FRMD4B: variants seen among roughly 807,000 people sequenced by gnomAD.
The protein encoded by FRMD4B is FERM domain-containing protein 4B.
In FRMD4B, 74 loss-of-function variants were observed where a neutral mutation model predicts 141.5. That is an observed-to-expected ratio of 0.52 (90% CI 0.43 to 0.63). FRMD4B has a LOEUF of 0.63. FRMD4B is among the 30% of genes least tolerant of loss of function. The pLI is 0.00. For missense variants in FRMD4B, 1,366 were observed against 1,253.4 expected, an observed-to-expected ratio of 1.09 and a Z score of -1.36; for synonymous variants, 506 against 467.9, an observed-to-expected ratio of 1.08 and a Z score of -1.05.
At chr3:69,391,042 G>A (rs956947537), upstream of FRMD4B, among the ~76,000 whole-genome samples, 19 of 152,020 alleles carry the variant, frequency 1.2e-4, no homozygotes, top group African/African-American at 4.3e-4. Flanking sequence ...TTTTTTGTTT[G>A]TTAGTTTTTT....
At chr3:69,523,163 G>C (rs1700878758) in intron 1 of FRMD4B, among the ~76,000 whole-genome samples, 1 of 151,446 alleles carries the variant, frequency 6.6e-6, no homozygotes, top group South Asian at 2.1e-4. Context: ...CACCAAAATG[G>C]CAATGGATAG....
At chr3:69,454,929 C>T (rs577334181) in intron 1 of FRMD4B, among the ~76,000 whole-genome samples, 13 of 152,282 alleles carry the variant, frequency 8.5e-5, no homozygotes, top group South Asian at 2.1e-4. Context: ...CATGTCTAGC[C>T]GGAGGATTGT....
At chr3:69,390,450 C>T (rs1704356675), upstream of FRMD4B, among the ~76,000 whole-genome samples, 4 of 152,136 alleles carry the variant, frequency 2.6e-5, no homozygotes, top group African/African-American at 7.2e-5. Context: ...TTTTGGTTGT[C>T]GCAACTGGGA....
At position 69,368,364 on chromosome 3, in the gene FRMD4B, A is replaced by G. The variant is rs1372856182; in HGVS notation, c.162+17464T>C. Among the ~76,000 whole-genome samples the G allele has an allele frequency of 2.6e-5, 4 of 152,340 alleles. No individual in the cohort carries two copies. The East Asian group carries it at 7.7e-4, about 29-fold the overall frequency. On this transcript the variant is annotated intron_variant, in intron 1 of 22. Coordinates refer to ENST00000398540, the MANE Select transcript of FRMD4B (RefSeq NM_015123.3). ...ACAAAGGAAACAGATAAAGCTGTTCATCCCATTACAACATCTATTAGAACA... is the reference window on the plus strand; with the variant it reads ...ACAAAGGAAACAGATAAAGCTGTTCGTCCCATTACAACATCTATTAGAACA...
rs1706273010 is a variant in FRMD4B at position 69,489,730 on chromosome 3, G to T, written c.-129+52476C>A. 2.0e-5 allele frequency among the ~76,000 whole-genome samples: 3 copies of T among 152,220 alleles called. No homozygotes were observed. The South Asian group carries it at 6.2e-4, about 32-fold the overall frequency. ...CATATAGCCCAGAATTCTATTCCTAGGTATCCACTGGAGAGAAATAAAAAT... is the reference window on the plus strand; with the variant it reads ...CATATAGCCCAGAATTCTATTCCTATGTATCCACTGGAGAGAAATAAAAAT... On this transcript the variant is annotated intron_variant, in intron 1 of 5. Transcript: ENST00000459638.
intron 1 of FRMD4B, chr3:69,323,133 T>G: frequency 4.7e-6 from 1 of 212,512 alleles, no homozygotes; most frequent in Non-Finnish European, 8.1e-6. Flanking sequence ...AGGGGAGGAA[T>G]GACAAAGAAG....
chr3:69,362,163 T>C lies in FRMD4B; in HGVS notation c.162+23665A>G, dbSNP rs199823593. Among the ~76,000 whole-genome samples the C allele has an allele frequency of 2.0e-5, 3 of 152,250 alleles. No homozygotes were observed. The East Asian group carries it at 5.8e-4, about 29-fold the overall frequency. ...CTTATATAGTACTTCATATGTGCCA[T>C]ACTCTGTTCCTGTTTATTATAAATA... On this transcript the variant is annotated intron_variant, in intron 1 of 22. Coordinates refer to ENST00000398540, the MANE Select transcript of FRMD4B (RefSeq NM_015123.3).
At chr3:69,289,836 C>T (rs577322498) in intron 4 of FRMD4B, among the ~76,000 whole-genome samples, 12 of 152,126 alleles carry the variant, frequency 7.9e-5, no homozygotes, top group Non-Finnish European at 1.3e-4. Flanking sequence ...CAAAAAACAA[C>T]GTATAGCCAA....
chr3:69,336,189 G>A (rs948947054), intron 1 of FRMD4B, among the ~76,000 whole-genome samples: 2 of 152,204 alleles, frequency 1.3e-5, no homozygotes, highest in Admixed American at 1.3e-4. Context: ...CACCAAGAGG[G>A]AGAGAACAAG....
chr3:69,284,034 C>A (rs1173366046), intron 5 of FRMD4B, among the ~76,000 whole-genome samples: 1 of 151,768 alleles, frequency 6.6e-6, no homozygotes, highest in Non-Finnish European at 1.5e-5. Context: ...CACTGAATAT[C>A]CAGCAACGAA....
chr3:69,362,753 TA>T (rs1241831619), intron 1 of FRMD4B, among the ~76,000 whole-genome samples: 1 of 151,616 alleles, frequency 6.6e-6, no homozygotes, highest in African/African-American at 2.4e-5. Flanking sequence ...CATGTTAATT[TA>T]AAAATCCCAT....
At chr3:69,330,911 C>T (rs958274622) in intron 1 of FRMD4B, among the ~76,000 whole-genome samples, 3 of 152,168 alleles carry the variant, frequency 2.0e-5, no homozygotes, top group Non-Finnish European at 2.9e-5. Context: ...GAAGATGTTT[C>T]CAACTTTTTC....
chr3:69,245,343 GTGTGTGTGTGTT>G (rs1298687861), intron 7 of FRMD4B, among the ~76,000 whole-genome samples: 1 of 149,356 alleles, frequency 6.7e-6, no homozygotes, highest in African/African-American at 2.6e-5. Context: ...GTGTGTGTGT[GTGTGTGTGTGTT>G]TTTAGACAGA....
intron 1 of FRMD4B, among the ~76,000 whole-genome samples, chr3:69,470,223 T>C (rs937439758): frequency 6.6e-6 from 1 of 152,242 alleles, no homozygotes; most frequent in African/African-American, 2.4e-5. Flanking sequence ...ATGGAAATCA[T>C]ATTTACATTA....
At chr3:69,237,052 T>C (rs1371181121) in intron 7 of FRMD4B, among the ~76,000 whole-genome samples, 10 of 152,182 alleles carry the variant, frequency 6.6e-5, no homozygotes, top group East Asian at 3.8e-4. Flanking sequence ...AACCCCTAAA[T>C]GCACAGATGA....
At chr3:69,297,897 A>G (rs1007789532) in intron 4 of FRMD4B, among the ~76,000 whole-genome samples, 1 of 140,972 alleles carries the variant, frequency 7.1e-6, no homozygotes, top group Non-Finnish European at 1.5e-5. Flanking sequence ...TATTTAGCAC[A>G]CCTCTTTGAG....
chr3:69,233,458 G>A (rs572344235), intron 7 of FRMD4B, among the ~76,000 whole-genome samples: 1 of 151,302 alleles, frequency 6.6e-6, no homozygotes, highest in East Asian at 1.9e-4. Context: ...ACTCCAGCCT[G>A]GGTGACAGAG....
At chr3:69,172,095 A>ATCTCTACATTTTGGG in intron 22 of FRMD4B, 114 bp from the exon 23 acceptor site, 1 of 891,442 alleles carries the variant, frequency 1.1e-6, no homozygotes, top group Non-Finnish European at 1.8e-6. Flanking sequence ...AAAATTTCCC[A>ATCTCTACATTTTGGG]AAATGTAGAG....
chr3:69,506,827 G>GT (rs397937481), intron 1 of FRMD4B, among the ~76,000 whole-genome samples: 2 of 77,772 alleles, frequency 2.6e-5, no homozygotes, highest in Non-Finnish European at 6.0e-5. Context: ...TACGGGGTGA[G>GT]CTACAGTACC....
Sources: gnomAD v4.1 joint callset for allele counts (sites outside exome capture counted in the v4.1 genomes callset) on GRCh38, gnomAD v4.1.1 for gene constraint, MANE v1.5 for transcripts, NCBI Gene and HGNC (gene_info 2026-07-23, HGNC 2026-07-21) for gene names.